Variants in AFG2A observed in about 807,000 individuals in gnomAD.
The protein encoded by AFG2A is AAA ATPase AFG2A.
At chr4:123,022,317 C>T in the AFG2A span, among the ~76,000 whole-genome samples, 29 of 152,166 alleles carry the variant, frequency 1.9e-4, no homozygotes, top group African/African-American at 6.5e-4. Context: ...CCAGAATCTA[C>T]AATGAACCCA....
chr4:123,004,541 T>G, the AFG2A span, among the ~76,000 whole-genome samples: 1 of 152,256 alleles, frequency 6.6e-6, no homozygotes, highest in African/African-American at 2.4e-5. Flanking sequence ...TATTAATTGA[T>G]TTTCAATGTT....
the AFG2A span, among the ~76,000 whole-genome samples, chr4:123,191,397 G>T: frequency 6.6e-6 from 1 of 151,016 alleles, no homozygotes; most frequent in Non-Finnish European, 1.5e-5. Context: ...GACGCACAGT[G>T]GTTCCATAGT....
chr4:123,245,719 G>C, the AFG2A span, among the ~76,000 whole-genome samples: 46 of 152,246 alleles, frequency 3.0e-4, no homozygotes, highest in Non-Finnish European at 4.9e-4. Flanking sequence ...AGTGCTACAG[G>C]TTTTTGCAGA....
the AFG2A span, among the ~76,000 whole-genome samples, chr4:123,274,481 G>C: frequency 6.6e-6 from 1 of 151,306 alleles, no homozygotes; most frequent in African/African-American, 2.4e-5. Context: ...GAGATAAAGA[G>C]ACCTAGTTAC....
At chr4:123,187,772 G>A in the AFG2A span, among the ~76,000 whole-genome samples, 89,675 of 151,804 alleles carry the variant, frequency 0.59, 27,877 homozygotes, top group Non-Finnish European at 0.68. Flanking sequence ...GAGGTGGGAG[G>A]ATCTCTTGAA....
the AFG2A span, among the ~76,000 whole-genome samples, chr4:123,075,905 C>T: frequency 2.7e-5 from 4 of 150,842 alleles, no homozygotes; most frequent in South Asian, 4.2e-4. Flanking sequence ...TGCAGTGAGC[C>T]GAGATCATGC....
the AFG2A span, among the ~76,000 whole-genome samples, chr4:123,293,211 C>T: frequency 1.3e-5 from 2 of 152,154 alleles, no homozygotes; most frequent in Non-Finnish European, 2.9e-5. Context: ...GGAGTCCCAG[C>T]CACGTCTGCA....
the AFG2A span, among the ~76,000 whole-genome samples, chr4:123,034,417 A>G: frequency 6.6e-6 from 1 of 152,170 alleles, no homozygotes; most frequent in Non-Finnish European, 1.5e-5. Context: ...CCACGTTAAA[A>G]GACATTCTGT....
At chr4:123,051,225 A>C in the AFG2A span, among the ~76,000 whole-genome samples, 2 of 151,296 alleles carry the variant, frequency 1.3e-5, no homozygotes, top group East Asian at 3.9e-4. Context: ...CTCTGGTAGC[A>C]TGTTTTAATT....
At chr4:123,037,982 G>C in the AFG2A span, among the ~76,000 whole-genome samples, 2 of 152,096 alleles carry the variant, frequency 1.3e-5, no homozygotes, top group Non-Finnish European at 2.9e-5. Context: ...TTTGTACTTT[G>C]CCTCAGTTTT....
chr4:123,132,161 A>G, the AFG2A span, among the ~76,000 whole-genome samples: 6 of 152,152 alleles, frequency 3.9e-5, no homozygotes, highest in African/African-American at 1.4e-4. Context: ...AGTGTACAAC[A>G]TGATGTTTAT....
At chr4:122,934,659 AG>A in the AFG2A span, 1 of 1,609,970 alleles carries the variant, frequency 6.2e-7, no homozygotes, top group Non-Finnish European at 8.5e-7. Flanking sequence ...ACATGATAGG[AG>A]GATTAAGTAG....
chr4:123,151,887 C>G, the AFG2A span, among the ~76,000 whole-genome samples: 9 of 152,152 alleles, frequency 5.9e-5, no homozygotes, highest in African/African-American at 2.2e-4. Flanking sequence ...ATATGCCCAT[C>G]AATGATAGAC....
chr4:123,205,516 C>T, the AFG2A span, among the ~76,000 whole-genome samples: 6 of 152,076 alleles, frequency 3.9e-5, no homozygotes, highest in Non-Finnish European at 2.9e-5. Context: ...GTTGACAATA[C>T]AGTATAGTAA....
the AFG2A span, among the ~76,000 whole-genome samples, chr4:122,959,014 T>C: frequency 6.6e-6 from 1 of 152,114 alleles, no homozygotes; most frequent in African/African-American, 2.4e-5. Flanking sequence ...GAAAACACAG[T>C]TCTGGGGTCT....
chr4:122,971,085 A>G, the AFG2A span, among the ~76,000 whole-genome samples: 2 of 152,108 alleles, frequency 1.3e-5, no homozygotes, highest in African/African-American at 2.4e-5. Context: ...GACTGTGTCT[A>G]CCTACCTTGC....
At chr4:123,127,938 G>A in the AFG2A span, among the ~76,000 whole-genome samples, 1 of 152,088 alleles carries the variant, frequency 6.6e-6, no homozygotes, top group Non-Finnish European at 1.5e-5. Context: ...GGTTAAGCTA[G>A]TACTCATTAA....
the AFG2A span, among the ~76,000 whole-genome samples, chr4:123,047,195 A>C: frequency 6.6e-6 from 1 of 152,310 alleles, no homozygotes; most frequent in Middle Eastern, 3.4e-3. Flanking sequence ...AAATGGCTAT[A>C]CTAATTTACA....
chr4:122,946,449 A>G, the AFG2A span, among the ~76,000 whole-genome samples: 129 of 152,344 alleles, frequency 8.5e-4, no homozygotes, highest in Non-Finnish European at 1.5e-3. Flanking sequence ...TATAATTCAT[A>G]GATTCGCTGT....
Sources: gnomAD v4.1 joint callset for allele counts (sites outside exome capture counted in the v4.1 genomes callset) on GRCh38, gnomAD v4.1.1 for gene constraint, MANE v1.5 for transcripts, NCBI Gene and HGNC (gene_info 2026-07-23, HGNC 2026-07-21) for gene names.